The following KCNAB2 variants were observed in gnomAD, a reference collection of about 807,000 sequenced individuals.
KCNAB2 encodes potassium voltage-gated channel subfamily A regulatory beta subunit 2.
A neutral mutation model predicts 63.6 loss-of-function variants in KCNAB2; 29 were observed. The observed-to-expected ratio is 0.46, with a 90% confidence interval of 0.34 to 0.62. The LOEUF (loss-of-function observed/expected upper bound fraction) is 0.62, where lower values mean the gene tolerates loss of function less well. Ranked by LOEUF, KCNAB2 falls within the 20% of genes least tolerant of loss-of-function variation. KCNAB2 has a pLI of 0.01. For missense variants in KCNAB2, 359 were observed against 563.9 expected (o/e 0.64, Z 3.68); for synonymous variants, 222 against 224.2 (o/e 0.99, Z 0.09).
At chr1:6,038,544 T>G (rs1660236139) in intron 1 of KCNAB2, among the ~76,000 whole-genome samples, 1 of 152,058 alleles carries the variant, frequency 6.6e-6, no homozygotes, top group South Asian at 2.1e-4. Context: ...CAAACTCCTG[T>G]GCTCAAGCAA....
intron 1 of KCNAB2, among the ~76,000 whole-genome samples, chr1:6,020,803 A>T (rs1257805206): frequency 1.3e-5 from 2 of 152,074 alleles, no homozygotes; most frequent in Admixed American, 6.6e-5. Flanking sequence ...AGTAGCTGGG[A>T]TTACAAGTGC....
chr1:6,039,278 GA>G (rs1402045373), intron 1 of KCNAB2, among the ~76,000 whole-genome samples: 2 of 152,144 alleles, frequency 1.3e-5, no homozygotes, highest in Non-Finnish European at 2.9e-5. Flanking sequence ...ATAGGGGCCT[GA>G]GGGGGCAGTG....
At chr1:6,020,830 C>A (rs1355084488) in intron 1 of KCNAB2, among the ~76,000 whole-genome samples, 1 of 152,084 alleles carries the variant, frequency 6.6e-6, no homozygotes, top group Non-Finnish European at 1.5e-5. Flanking sequence ...CCATGCCTGG[C>A]TAATTTTTGT....
At chr1:6,008,622 CAA>C (rs141192143) in intron 1 of KCNAB2, among the ~76,000 whole-genome samples, 4 of 137,862 alleles carry the variant, frequency 2.9e-5, no homozygotes, top group Admixed American at 7.2e-5. Context: ...GAGACTGTCT[CAA>C]AAAAAAAAAA....
At chr1:6,095,659 G>T in intron 13 of KCNAB2, 35 bp downstream of exon 13, 1 of 1,599,488 alleles carries the variant, frequency 6.3e-7, no homozygotes, top group South Asian at 1.1e-5. Context: ...GGACGGGCAG[G>T]GGATAGGCAT....
In KCNAB2 at chr1:6,098,592, G is replaced by A; in HGVS notation, c.*18G>A. The A allele has an allele frequency of 6.2e-7, 1 of 1,612,062 alleles. No homozygotes were observed. The highest frequency in any genetic ancestry group is 1.1e-5 in the South Asian group (1 of 90,848). Reference sequence around the variant, plus strand: ...GATCCTAAGCCGCCCCCGCCCGCCTGCTCGGACAGTTTCCGTTCCCTCCTA... The same window carrying A: ...GATCCTAAGCCGCCCCCGCCCGCCTACTCGGACAGTTTCCGTTCCCTCCTA... On this transcript the variant is annotated 3_prime_UTR_variant, in exon 16 of 16. Transcript: ENST00000378083.
At chr1:6,098,154 C>G in intron 15 of KCNAB2, 1 of 1,075,148 alleles carries the variant, frequency 9.3e-7, no homozygotes, top group Middle Eastern at 4.3e-4. Flanking sequence ...GAGGCAGGCG[C>G]AGCTGGAAAA....
At chr1:6,036,004 A>T (rs1487728245) in intron 1 of KCNAB2, 2 of 152,674 alleles carry the variant, frequency 1.3e-5, no homozygotes, top group Non-Finnish European at 2.9e-5. Context: ...CCCCGATACG[A>T]TGGGCACCGC....
chr1:6,073,811 G>T lies in KCNAB2; in HGVS notation c.300+41G>T, dbSNP rs754407091. ...CCCAGCACCCCAGAACCCAGCACGGGCTCGCCAGAGCACATGGTTAAGTCT... is the reference window on the plus strand; with the variant it reads ...CCCAGCACCCCAGAACCCAGCACGGTCTCGCCAGAGCACATGGTTAAGTCT... On this transcript the variant is annotated intron_variant, in intron 4 of 15. Transcript: ENST00000378083. This position sits in a 1 kb window ranked among gnomAD's most constrained non-coding sequence, Gnocchi z 5.7. 6.2e-7 allele frequency: 1 copy of T among 1,600,616 alleles called. No individual in the cohort carries two copies.
At position 6,028,395 on chromosome 1, in the gene KCNAB2, A is replaced by G. The variant is rs1281047856; in HGVS notation, c.-52-12122A>G. 1.3e-5 allele frequency among the ~76,000 whole-genome samples: 2 copies of G among 152,226 alleles called. No homozygotes were observed. The highest frequency in any genetic ancestry group is 4.8e-5 in the African/African-American group (2 of 41,466). Reference sequence around the variant, plus strand: ...TTGTGTTATACAGTAGTCACGGCAGATACTTCGGGGGCTTGGCAGGGGGGA... The same window carrying G: ...TTGTGTTATACAGTAGTCACGGCAGGTACTTCGGGGGCTTGGCAGGGGGGA... On this transcript the variant is annotated intron_variant, in intron 1 of 16. Coordinates refer to the KCNAB2 transcript ENST00000341524. This position sits in a 1 kb window ranked among gnomAD's most constrained non-coding sequence, Gnocchi z 4.0.
chr1:6,058,913 G>A (rs1225408878), intron 2 of KCNAB2, among the ~76,000 whole-genome samples: 1 of 152,146 alleles, frequency 6.6e-6, no homozygotes, highest in Non-Finnish European at 1.5e-5. Flanking sequence ...GCTTCTGCTG[G>A]CAGCGGGCAC....
chr1:6,091,490 C>A (rs571365353), intron 10 of KCNAB2, among the ~76,000 whole-genome samples, 183 bp downstream of exon 10: 6 of 151,932 alleles, frequency 3.9e-5, no homozygotes, highest in Non-Finnish European at 8.8e-5. Context: ...GGTGTTGGAG[C>A]CCCTCGCCCC....
upstream of KCNAB2, among the ~76,000 whole-genome samples, chr1:6,042,863 G>T (rs1356247478): frequency 2.2e-5 from 1 of 44,866 alleles, no homozygotes; most frequent in Admixed American, 3.3e-4. Flanking sequence ...CCGTTTGCCA[G>T]CCATAGCACC....
intron 2 of KCNAB2, among the ~76,000 whole-genome samples, chr1:6,053,009 G>A (rs770427913): frequency 2.0e-5 from 3 of 151,964 alleles, no homozygotes; most frequent in Non-Finnish European, 4.4e-5. Flanking sequence ...CTCCTTTAAC[G>A]TTTTCTCCTG....
intron 5 of KCNAB2, among the ~76,000 whole-genome samples, chr1:6,083,966 C>G (rs1218390972): frequency 6.6e-6 from 1 of 152,230 alleles, no homozygotes; most frequent in East Asian, 1.9e-4. Flanking sequence ...CTCTCTTCCT[C>G]CTCCTTTCCT....
In KCNAB2 at chr1:6,074,672, C is replaced by T. The variant is rs1663512022; in HGVS notation, c.300+902C>T. Among the ~76,000 whole-genome samples the T allele has an allele frequency of 6.6e-6, 1 of 152,156 alleles. No homozygotes were observed. Among genetic ancestry groups the T allele is most frequent in the Non-Finnish European group, 1.5e-5 (1 of 68,028 alleles). ...TGAGGTCACTTTTATCTTTAAGACA[C>T]TAGCTGGCCGGGCGCGGTGACTCAC... is the stretch of plus-strand genomic sequence containing the variant. On this transcript the variant is annotated intron_variant, in intron 4 of 15. Coordinates refer to ENST00000378083, the MANE Select transcript of KCNAB2 (RefSeq NM_001199862.2). The surrounding 1 kb of genome is among the most constrained non-coding windows in gnomAD (Gnocchi z 4.9).
chr1:6,008,152 G>T (rs116509664), intron 1 of KCNAB2, among the ~76,000 whole-genome samples: 1 of 152,162 alleles, frequency 6.6e-6, no homozygotes, highest in Admixed American at 6.5e-5. Context: ...TCCATGTTGC[G>T]AAGGGCAGGG....
At chr1:6,014,893 G>A (rs1658393537) in intron 1 of KCNAB2, among the ~76,000 whole-genome samples, 1 of 152,188 alleles carries the variant, frequency 6.6e-6, no homozygotes, top group African/African-American at 2.4e-5. Flanking sequence ...CCCACAGAAG[G>A]GCAGGGCTGT....
At chr1:6,057,641 C>T (rs557631718) in intron 2 of KCNAB2, among the ~76,000 whole-genome samples, 15 of 152,282 alleles carry the variant, frequency 9.9e-5, no homozygotes, top group South Asian at 8.3e-4. Context: ...TTTCCCAGTT[C>T]TGGGAGGTGA....
Sources: allele counts gnomAD v4.1 joint callset (sites outside exome capture counted in the v4.1 genomes callset), GRCh38; gene constraint gnomAD v4.1.1; non-coding constraint Gnocchi (gnomAD v3.1); transcripts MANE v1.5; gene names NCBI Gene and HGNC (gene_info 2026-07-23, HGNC 2026-07-21).